The following PDS5A variants were observed in gnomAD, a reference collection of about 807,000 sequenced individuals.
The protein encoded by PDS5A is sister chromatid cohesion protein PDS5 homolog A.
In PDS5A, 42 loss-of-function variants were observed where a neutral mutation model predicts 167.1. The ratio of observed to expected loss-of-function variants is 0.25; its 90% CI spans 0.20 to 0.33. PDS5A has a LOEUF of 0.33. Among genes scored for constraint, PDS5A ranks in the 10% least tolerant of loss-of-function variants. The probability of loss-of-function intolerance (pLI) is 1.00; values close to 1 mark genes in which losing one functional copy is unlikely to be tolerated. For synonymous variants in PDS5A, 553 were observed against 554.6 expected, an observed-to-expected ratio of 1.00 and a Z score of 0.04; for missense variants, 1,033 against 1,605.9, an observed-to-expected ratio of 0.64 and a Z score of 6.10.
At chr4:39,947,798 T>C (rs1727915471) in intron 2 of PDS5A, among the ~76,000 whole-genome samples, 1 of 152,092 alleles carries the variant, frequency 6.6e-6, no homozygotes, top group Non-Finnish European at 1.5e-5. Flanking sequence ...GAGAACTCAC[T>C]CTCACAAGAT....
Position 39,976,451 on chromosome 4 carries a change from T to C in PDS5A, c.127A>G (p.Lys43Glu), listed in dbSNP as rs1298309018. 10 of 1,612,678 alleles carry C rather than the reference T, an allele frequency of 6.2e-6. No individual in the cohort carries two copies. Among genetic ancestry groups the C allele is most frequent in the Non-Finnish European group, 8.5e-6 (10 of 1,178,998 alleles). The change falls in exon 2 of 33, where the codon AAA (lysine) becomes GAA (glutamate). Residue 43 changes from lysine (K) to glutamate (E), a missense_variant. Lys to Glu is a moderately conservative substitution (Grantham distance 56). Coordinates refer to ENST00000303538, the MANE Select transcript of PDS5A (RefSeq NM_001100399.2). Reference sequence around the variant, plus strand: ...GTCCAGACACTTACCTTCAGGCGTTTGATCATCTCGTCCGTGGTGATCTTG... The same window carrying C: ...GTCCAGACACTTACCTTCAGGCGTTCGATCATCTCGTCCGTGGTGATCTTG... Reference protein sequence around the residue: ...TDKITTDEMIKRLKMVVKTFM... With the variant: ...TDKITTDEMIERLKMVVKTFM...
intron 2 of PDS5A, among the ~76,000 whole-genome samples, chr4:39,931,948 G>C (rs1188978753): frequency 6.7e-6 from 1 of 149,456 alleles, no homozygotes; most frequent in Admixed American, 6.7e-5. Context: ...CTAAACTGCA[G>C]TGGCATGATC....
At chr4:39,906,014 A>G (rs1723307869) in intron 11 of PDS5A, among the ~76,000 whole-genome samples, 1 of 152,114 alleles carries the variant, frequency 6.6e-6, no homozygotes, top group Non-Finnish European at 1.5e-5. Context: ...GAAGTAAAAA[A>G]AAAAAAAGAT....
intron 2 of PDS5A, among the ~76,000 whole-genome samples, chr4:39,960,839 G>A (rs1381940094): frequency 6.6e-6 from 1 of 152,024 alleles, no homozygotes; most frequent in Non-Finnish European, 1.5e-5. Flanking sequence ...ACAGGCACAC[G>A]CCACCAAGTC....
chr4:39,880,244 A>G (rs1045308268), intron 17 of PDS5A, among the ~76,000 whole-genome samples: 6 of 152,154 alleles, frequency 3.9e-5, no homozygotes, highest in Non-Finnish European at 7.4e-5. Flanking sequence ...TGAATTAATC[A>G]CTGATAATTT....
chr4:39,971,210 G>A (rs1473567662), intron 2 of PDS5A, among the ~76,000 whole-genome samples: 1 of 152,146 alleles, frequency 6.6e-6, no homozygotes, highest in Admixed American at 6.5e-5. Flanking sequence ...CCAGGCTGGA[G>A]TGCAGTGGTG....
intron 9 of PDS5A, among the ~76,000 whole-genome samples, chr4:39,912,209 C>T (rs775715194): frequency 1.3e-5 from 2 of 152,222 alleles, no homozygotes; most frequent in Non-Finnish European, 2.9e-5. Flanking sequence ...ATACTGCAGA[C>T]TGTGACTTGT....
intron 28 of PDS5A, chr4:39,847,347 T>C (rs1172324362): frequency 1.3e-5 from 2 of 152,198 alleles, no homozygotes; most frequent in Non-Finnish European, 2.9e-5. Flanking sequence ...TGGTGGCTCA[T>C]GCAATCCCAG....
chr4:39,886,075 T>C (rs1414462835), intron 17 of PDS5A, among the ~76,000 whole-genome samples: 1 of 152,248 alleles, frequency 6.6e-6, no homozygotes, highest in African/African-American at 2.4e-5. Context: ...TTGTAGAGAC[T>C]ATCCCTTCCC....
At chr4:39,867,751 CACACACACACACACACACACACA>C (rs1719636201) in intron 22 of PDS5A, among the ~76,000 whole-genome samples, 1 of 148,950 alleles carries the variant, frequency 6.7e-6, no homozygotes, top group African/African-American at 2.5e-5. Context: ...CACACACACA[CACACACACACACACACACACACA>C]CCCCACAACT....
intron 17 of PDS5A, among the ~76,000 whole-genome samples, chr4:39,881,930 C>G (rs1720966950): frequency 1.3e-5 from 2 of 152,146 alleles, no homozygotes; most frequent in South Asian, 4.1e-4. Flanking sequence ...GAATAAATCT[C>G]AGGAGATCTG....
chr4:39,942,509 G>A (rs1272486216), intron 2 of PDS5A, among the ~76,000 whole-genome samples: 1 of 152,060 alleles, frequency 6.6e-6, no homozygotes, highest in Non-Finnish European at 1.5e-5. Flanking sequence ...AGAGTGCAGT[G>A]GCATAATCAC....
chr4:39,897,002 T>C (rs145331773), intron 16 of PDS5A, among the ~76,000 whole-genome samples: 38 of 152,108 alleles, frequency 2.5e-4, no homozygotes, highest in South Asian at 1.0e-3. Context: ...GCTACACCCA[T>C]CACCCTGAGT....
Position 39,927,955 on chromosome 4 carries a change from A to C in PDS5A, c.342+6T>G, listed in dbSNP as rs773578235. Reference sequence around the variant, plus strand: ...AATACAATAAAGTGAAAAAGGCTGTATTTACCTTAAGTTTATCATGGGAAG... The same window carrying C: ...AATACAATAAAGTGAAAAAGGCTGTCTTTACCTTAAGTTTATCATGGGAAG... On this transcript the variant is annotated splice_donor_region_variant and intron_variant, in intron 3 of 32. Transcript: ENST00000303538. 1 of 1,599,356 alleles carries C rather than the reference A, an allele frequency of 6.3e-7. No individual in the cohort carries two copies. Among genetic ancestry groups the C allele is most frequent in the African/African-American group, 1.3e-5 (1 of 74,612 alleles).
intron 17 of PDS5A, among the ~76,000 whole-genome samples, chr4:39,881,883 A>G (rs995942341): frequency 1.3e-5 from 2 of 152,206 alleles, no homozygotes; most frequent in Non-Finnish European, 2.9e-5. Context: ...ATAACTGAAC[A>G]TGGGGGCAGT....
chr4:39,875,089 G>C (rs1720351777), intron 19 of PDS5A, among the ~76,000 whole-genome samples: 1 of 152,168 alleles, frequency 6.6e-6, no homozygotes, highest in African/African-American at 2.4e-5. Flanking sequence ...GTTGGGATTT[G>C]AAAATTAGCA....
At position 39,910,285 on chromosome 4, in the gene PDS5A, T is replaced by C; in HGVS notation, c.1046A>G (p.His349Arg). ...TAAATCTGGGTGATTCATTAAACAA[T>C]GACTGGCAAATTTCACACTTTCTAA... Reference protein sequence around the residue: ...VRLESVKFASHCLMNHPDLAK... With the variant: ...VRLESVKFASRCLMNHPDLAK... Residue 349 changes from histidine to arginine, a missense_variant, in exon 10 of 33, where the codon CAT (histidine) becomes CGT (arginine). Transcript: ENST00000303538. The C allele has an allele frequency of 6.3e-7, 1 of 1,592,948 alleles. No individual in the cohort carries two copies. The highest frequency in any genetic ancestry group is 1.3e-5 in the African/African-American group (1 of 74,748).
chr4:39,852,553 C>G (rs1011077942), intron 26 of PDS5A, among the ~76,000 whole-genome samples: 76 of 152,268 alleles, frequency 5.0e-4, no homozygotes, highest in Admixed American at 1.0e-3. Context: ...ACCATACCCC[C>G]ACCCCAAGAA....
intron 7 of PDS5A, among the ~76,000 whole-genome samples, chr4:39,919,631 T>C (rs1330002839): frequency 2.0e-5 from 3 of 152,098 alleles, no homozygotes; most frequent in East Asian, 3.9e-4. Context: ...AGAGACAGAG[T>C]GAGACTCCGT....
Sources: gnomAD v4.1 joint callset for allele counts (sites outside exome capture counted in the v4.1 genomes callset) on GRCh38, gnomAD v4.1.1 for gene constraint, MANE v1.5 for transcripts, NCBI Gene and HGNC (gene_info 2026-07-23, HGNC 2026-07-21) for gene names.